Variants in CFAP46 observed in about 807,000 individuals in gnomAD.
CFAP46 encodes cilia and flagella associated protein 46, also known as cilia- and flagella-associated protein 46.
A neutral mutation model predicts 325.7 loss-of-function variants in CFAP46; 245 were observed. That is an observed-to-expected ratio of 0.75 (90% confidence interval 0.68 to 0.84). The LOEUF (loss-of-function observed/expected upper bound fraction) is 0.84. Among genes scored for constraint, CFAP46 ranks in the 40% least tolerant of loss-of-function variants. The pLI, the probability that CFAP46 is intolerant of heterozygous loss-of-function variation, is 0.00. For synonymous variants in CFAP46, 1,523 were observed against 1,495.9 expected, an observed-to-expected ratio of 1.02 and a Z score of -0.42; for missense variants, 3,346 against 3,543.0, an observed-to-expected ratio of 0.94 and a Z score of 1.41.
rs1167018204 is a variant in CFAP46 at position 132,861,084 on chromosome 10, GAGAC to G, written c.4891-106_4891-103del. The G allele has an allele frequency of 4.4e-5, 51 of 1,148,970 alleles. No individual in the cohort carries two copies. In the Middle Eastern group the frequency reaches 7.5e-4, roughly 17 times the overall value. The allele number at this position is 1,148,970 out of a possible 1,614,324, so 71.2% of individuals were successfully genotyped here. ...GAAGGAAGAGGGAGACAGAGAGGCAGAGACAGACAGACGCACCAGGTGAGGGGAA... is the reference window on the plus strand; with the variant it reads ...GAAGGAAGAGGGAGACAGAGAGGCAGAGACAGACGCACCAGGTGAGGGGAA... On this transcript the variant is annotated intron_variant, in intron 35 of 57. Coordinates refer to ENST00000368586, the MANE Select transcript of CFAP46 (RefSeq NM_001200049.3).
intron 11 of CFAP46, among the ~76,000 whole-genome samples, chr10:132,924,148 T>G (rs1167308198): frequency 1.3e-5 from 2 of 151,926 alleles, no homozygotes; most frequent in Non-Finnish European, 2.9e-5. Flanking sequence ...TGGCTGCCCT[T>G]GCACCTCACC....
Position 132,857,605 on chromosome 10 carries a change from T to G in CFAP46, c.5559A>C (p.Leu1853=). The G allele has an allele frequency of 6.2e-7, 1 of 1,613,522 alleles. No individual in the cohort carries two copies. Among genetic ancestry groups the G allele is most frequent in the Non-Finnish European group, 8.5e-7 (1 of 1,179,870 alleles). ...EEGRLHSVQG[L]LSLQDLQNVN... ...ACCTGCTTACGTCTTGAAGTGACAATAGGCCCTGGACGCTGTGAAGCCTCC... is the reference window on the plus strand; with the variant it reads ...ACCTGCTTACGTCTTGAAGTGACAAGAGGCCCTGGACGCTGTGAAGCCTCC... The change falls in exon 39 of 58, where the codon CTA becomes CTC. Residue 1853 remains leucine (L), a synonymous_variant. Coordinates refer to ENST00000368586, the MANE Select transcript of CFAP46 (RefSeq NM_001200049.3).
intron 22 of CFAP46, among the ~76,000 whole-genome samples, chr10:132,902,925 A>T (rs796217333): frequency 2.7e-5 from 4 of 146,682 alleles, no homozygotes; most frequent in Non-Finnish European, 6.0e-5. Flanking sequence ...TTACGCCCCA[A>T]TGTGAGCTGG....
chr10:132,941,895 C>A, intron 2 of CFAP46, 85 bp downstream of exon 2: 1 of 1,527,086 alleles, frequency 6.5e-7, no homozygotes. Flanking sequence ...CTCTCCCCAG[C>A]CCCACTCTGC....
intron 19 of CFAP46, among the ~76,000 whole-genome samples, chr10:132,910,473 G>T (rs1345441513): frequency 6.6e-6 from 1 of 152,124 alleles, no homozygotes; most frequent in East Asian, 1.9e-4. Flanking sequence ...TGACGGGCAT[G>T]TGGGCTGCTG....
intron 20 of CFAP46, 83 bp downstream of exon 20, chr10:132,909,836 G>C: frequency 7.6e-7 from 1 of 1,315,182 alleles, no homozygotes; most frequent in Admixed American, 3.6e-5. Context: ...AGTGGTCCCG[G>C]GGGCCCCACC....
chr10:132,924,683 G>A lies in CFAP46; in HGVS notation c.1256+13C>T. 1 of 1,500,164 alleles carries A rather than the reference G, an allele frequency of 6.7e-7. No individual in the cohort carries two copies. Among genetic ancestry groups the A allele is most frequent in the Non-Finnish European group, 8.9e-7 (1 of 1,126,032 alleles). The allele number at this position is 1,500,164 out of a possible 1,614,324, so 92.9% of individuals were successfully genotyped here. A position where few individuals can be genotyped will look rare whatever the true frequency, so the allele number is the denominator to read the frequency against. ...GCCCTCTGTGGAGGACACAGCACAG[G>A]TGAGCGCCCCACCTGTCCAGCTTCT... On this transcript the variant is annotated intron_variant, in intron 11 of 57. Transcript: ENST00000368586.
intron 50 of CFAP46, among the ~76,000 whole-genome samples, chr10:132,823,436 CTG>C (rs1297488971): frequency 4.8e-5 from 6 of 123,926 alleles, no homozygotes; most frequent in South Asian, 3.0e-4. Context: ...CTGATGTGTG[CTG>C]TGTGTGCTGA....
At chr10:132,868,978 C>G (rs571823149) in intron 33 of CFAP46, among the ~76,000 whole-genome samples, 1 of 152,334 alleles carries the variant, frequency 6.6e-6, no homozygotes, top group Non-Finnish European at 1.5e-5. Context: ...GCGCCCAGCA[C>G]CCAGCGCCCA....
In CFAP46 at chr10:132,908,603, G is replaced by A. The variant is rs200445867; in HGVS notation, c.2789C>T (p.Ser930Leu). The A allele has an allele frequency of 7.1e-5, 110 of 1,545,220 alleles. 1 individual carries two copies. Among genetic ancestry groups the A allele is most frequent in the Admixed American group, 9.9e-5 (5 of 50,340 alleles). The change falls in exon 22 of 58, where the codon TCG becomes TTG. Residue 930 changes from serine (S) to leucine (L), a missense_variant. Transcript: ENST00000368586. ...GGTCTGCAGCTCCACCAGGGGGTCC[G>A]ACCAGTTGCACTCGGAAGCCATTTT... ...LVKMASECNW[S>L]DPLVELQTLT...
chr10:132,885,706 G>T, intron 26 of CFAP46, 115 bp downstream of exon 26: 1 of 791,758 alleles, frequency 1.3e-6, no homozygotes, highest in Non-Finnish European at 1.8e-6. Flanking sequence ...GCACACCCCC[G>T]GTGGGGATGC....
chr10:132,879,630 C>T lies in CFAP46; in HGVS notation c.3801G>A (p.Gly1267=). 6.6e-7 allele frequency: 1 copy of T among 1,515,960 alleles called. No individual in the cohort carries two copies. Among genetic ancestry groups the T allele is most frequent in the Non-Finnish European group, 8.8e-7 (1 of 1,131,362 alleles). The allele number at this position is 1,515,960 out of a possible 1,614,324, so 93.9% of individuals were successfully genotyped here. A position where few individuals can be genotyped will look rare whatever the true frequency, so the allele number is the denominator to read the frequency against. The stretch of plus-strand genomic sequence containing the variant: ...GGGGCATCTCCACAGCCACGTACTC[C>T]CCTGAAACACGGGGTGCCCGAGGCT... ...DVPEPQPTPD[G]EYVAVEMPPR... is the part of the protein sequence containing the mutation. Residue 1267 remains glycine (G), a splice_region_variant and synonymous_variant, in exon 29 of 58, where the codon GGG becomes GGA. Transcript: ENST00000368586.
chr10:132,853,595 A>T (rs1848594541), intron 39 of CFAP46, among the ~76,000 whole-genome samples: 1 of 144,064 alleles, frequency 6.9e-6, no homozygotes, highest in Non-Finnish European at 1.5e-5. Flanking sequence ...AACTCGTATT[A>T]TTTTTTCTTA....
intron 10 of CFAP46, 62 bp from the exon 11 acceptor site, chr10:132,924,948 G>T: frequency 7.6e-7 from 1 of 1,316,688 alleles, no homozygotes; most frequent in South Asian, 1.9e-5. Flanking sequence ...GGCTGGGGCG[G>T]CACCTGCGTG....
intron 24 of CFAP46, among the ~76,000 whole-genome samples, chr10:132,896,662 C>A (rs545296162): frequency 1.3e-5 from 2 of 152,108 alleles, no homozygotes; most frequent in Non-Finnish European, 2.9e-5. Context: ...CAATACTACC[C>A]AAAGCAGTAT....
rs1848075761 is a variant in CFAP46, at chr10:132,827,391, A to G, written c.7117+5967T>C. Among the ~76,000 whole-genome samples, 1 of 152,112 alleles carries G rather than the reference A, an allele frequency of 6.6e-6. No individual in the cohort carries two copies. The highest frequency in any genetic ancestry group is 2.4e-5 in the African/African-American group (1 of 41,422). On this transcript the variant is annotated intron_variant, in intron 50 of 57. Coordinates refer to ENST00000368586, the MANE Select transcript of CFAP46 (RefSeq NM_001200049.3). This position sits in a 1 kb window ranked among gnomAD's most constrained non-coding sequence, Gnocchi z 5.7. ...AGCCTCCCTGGGACACGGTGCCTGC[A>G]GGGCCCTCTGTCCTTGGACCTCCTC...
Position 132,814,907 on chromosome 10 carries a change from G to T in CFAP46, c.7125C>A (p.Gly2375=), listed in dbSNP as rs777783771. ...CTCTGCTTCTTCCCTCCTTTTTCAC[G>T]CCACCTTCTGTTGAAGACAAGAAAG... is the stretch of plus-strand genomic sequence containing the variant. The part of the protein sequence containing the change: ...NRLHKEETEG[G]VKKEGRSRDP... The change falls in exon 51 of 58, where the codon GGC becomes GGA. Residue 2375 remains glycine, a synonymous_variant. Coordinates refer to ENST00000368586, the MANE Select transcript of CFAP46 (RefSeq NM_001200049.3). 15 of 1,613,724 alleles carry T rather than the reference G, an allele frequency of 9.3e-6. No homozygotes were observed. Among genetic ancestry groups the T allele is most frequent in the Non-Finnish European group, 1.3e-5 (15 of 1,179,922 alleles).
In CFAP46 at chr10:132,876,604, G is replaced by A. The variant is rs187094188; in HGVS notation, c.4362+208C>T. On this transcript the variant is annotated intron_variant, in intron 31 of 57. Coordinates refer to ENST00000368586, the MANE Select transcript of CFAP46 (RefSeq NM_001200049.3). The surrounding 1 kb of genome is among the most constrained non-coding windows in gnomAD (Gnocchi z 4.1). ...CACTAGGTACGTGTTGGACTTGAGT[G>A]GGGAAAGAAGGAAGGCTTTCCTAAG... Among the ~76,000 whole-genome samples the A allele has an allele frequency of 3.3e-5, 5 of 152,324 alleles. No homozygotes were observed. Among genetic ancestry groups the A allele is most frequent in the South Asian group, 2.1e-4 (1 of 4,826 alleles).
At chr10:132,926,701 T>G in intron 9 of CFAP46, 35 bp from the exon 10 acceptor site, 1 of 1,422,258 alleles carries the variant, frequency 7.0e-7, no homozygotes, top group South Asian at 1.2e-5. Flanking sequence ...AAGATGGAGA[T>G]CTGTAAGGGA....
Sources: gnomAD v4.1 joint callset for allele counts (sites outside exome capture counted in the v4.1 genomes callset) on GRCh38, gnomAD v4.1.1 for gene constraint, Gnocchi (gnomAD v3.1) non-coding constraint, MANE v1.5 for transcripts, NCBI Gene and HGNC (gene_info 2026-07-23, HGNC 2026-07-21) for gene names.